Variants in GALNS observed in about 807,000 individuals in gnomAD.
GALNS encodes the protein galactosamine (N-acetyl)-6-sulfatase, also known as N-acetylgalactosamine-6-sulfatase.
A neutral mutation model predicts 65.9 loss-of-function variants in GALNS; 65 were observed. The ratio of observed to expected loss-of-function variants is 0.99; its 90% CI spans 0.81 to 1.21. GALNS has a LOEUF of 1.21. GALNS is among the 50% of genes most tolerant of loss of function. The probability of loss-of-function intolerance (pLI) is 0.00; values close to 1 mark genes in which losing one functional copy is unlikely to be tolerated. For missense variants in GALNS, 776 were observed against 700.7 expected, an observed-to-expected ratio of 1.11 and a Z score of -1.21; for synonymous variants, 346 against 288.9, an observed-to-expected ratio of 1.20 and a Z score of -2.00.
At chr16:88,820,241 G>C (rs866734377) in intron 12 of GALNS, among the ~76,000 whole-genome samples, 5 of 152,238 alleles carry the variant, frequency 3.3e-5, no homozygotes, top group African/African-American at 1.2e-4. Flanking sequence ...CAATTCTCCC[G>C]CCTCACCTTC....
At chr16:88,839,197 G>A (rs1041630329) in intron 4 of GALNS, among the ~76,000 whole-genome samples, 9 of 147,938 alleles carry the variant, frequency 6.1e-5, no homozygotes, top group Non-Finnish European at 1.1e-4. Flanking sequence ...ACACTCGTGC[G>A]CCCACGTCCA....
intron 1 of GALNS, chr16:88,855,018 C>G (rs1226786927): frequency 2.8e-6 from 1 of 355,004 alleles, no homozygotes; most frequent in South Asian, 2.2e-5. Context: ...CACCCCACCC[C>G]TCCACCCTGC....
chr16:88,848,881 G>A (rs1967378083), intron 1 of GALNS, among the ~76,000 whole-genome samples: 1 of 152,240 alleles, frequency 6.6e-6, no homozygotes, highest in African/African-American at 2.4e-5. Flanking sequence ...CCAGGTCTGC[G>A]TGGTCACACC....
chr16:88,815,560 G>C, intron 13 of GALNS: 1 of 985,476 alleles, frequency 1.0e-6, no homozygotes, highest in South Asian at 4.7e-5. Flanking sequence ...GGAGACTTAT[G>C]CCGCTAAGAG....
intron 4 of GALNS, chr16:88,837,986 C>T (rs531952510): frequency 1.1e-4 from 61 of 552,612 alleles, no homozygotes; most frequent in Middle Eastern, 9.3e-4. Flanking sequence ...TGGGCACAAC[C>T]GAGGGCGGCA....
At chr16:88,855,251 G>A (rs1597606335) in intron 1 of GALNS, 1 of 699,610 alleles carries the variant, frequency 1.4e-6, no homozygotes, top group South Asian at 1.5e-5. Context: ...AGAAAGTCAG[G>A]AAAAGCAGAA....
intron 9 of GALNS, among the ~76,000 whole-genome samples, chr16:88,829,984 AC>A (rs1338223917): frequency 3.9e-5 from 6 of 152,106 alleles, no homozygotes; most frequent in Admixed American, 2.0e-4. Flanking sequence ...TGTAATCCCA[AC>A]ACTTTCGGAG....
intron 1 of GALNS, chr16:88,856,480 C>A (rs1221883264): frequency 5.7e-6 from 4 of 699,878 alleles, no homozygotes; most frequent in Non-Finnish European, 1.0e-5. Context: ...CCCGGTCATG[C>A]AGCACAGTGG....
chr16:88,826,154 G>A (rs1355930215), intron 10 of GALNS, among the ~76,000 whole-genome samples: 1 of 149,560 alleles, frequency 6.7e-6, no homozygotes, highest in Non-Finnish European at 1.5e-5. Context: ...GCAGACAGGG[G>A]CAGCGTGTGC....
At chr16:88,846,509 CTT>C (rs59223444) in intron 1 of GALNS, among the ~76,000 whole-genome samples, 211 of 88,682 alleles carry the variant, frequency 2.4e-3, no homozygotes, top group African/African-American at 8.2e-3. Flanking sequence ...GCGTTTCTGG[CTT>C]TTTTTTTTTT....
chr16:88,831,033 G>C (rs991350696), intron 9 of GALNS, among the ~76,000 whole-genome samples: 1 of 152,218 alleles, frequency 6.6e-6, no homozygotes, highest in Admixed American at 6.5e-5. Context: ...ATTTAACTCA[G>C]GACTGCTGCG....
chr16:88,821,275 G>C (rs12934567), intron 12 of GALNS, among the ~76,000 whole-genome samples: 50,999 of 152,076 alleles, frequency 0.34, 9,294 homozygotes, highest in East Asian at 0.63. Flanking sequence ...CAGGTGAGCC[G>C]AGGCTGGTGG....
intron 1 of GALNS, chr16:88,855,626 G>A (rs749048296): frequency 3.1e-5 from 19 of 620,452 alleles, no homozygotes; most frequent in African/African-American, 7.4e-5. Context: ...ATCTTTTCAA[G>A]TATATCTTTA....
intron 4 of GALNS, 62 bp from the exon 5 acceptor site, chr16:88,837,827 C>G: frequency 3.2e-6 from 5 of 1,568,168 alleles, no homozygotes; most frequent in Non-Finnish European, 4.4e-6. Context: ...AAGTTCTGAG[C>G]AGCAACAGAT....
intron 5 of GALNS, 64 bp downstream of exon 5, chr16:88,837,558 G>C (rs1912267512): frequency 6.4e-7 from 1 of 1,558,924 alleles, no homozygotes; most frequent in African/African-American, 1.4e-5. Context: ...GCTAGAGGCG[G>C]GGGGCAGGCA....
intron 8 of GALNS, among the ~76,000 whole-genome samples, chr16:88,833,000 C>T (rs976620347): frequency 6.7e-6 from 1 of 149,500 alleles, no homozygotes; most frequent in Non-Finnish European, 1.5e-5. Flanking sequence ...ATTGCTGGAG[C>T]CCAGGAGGTC....
chr16:88,818,859 G>A (rs982871937), intron 12 of GALNS, among the ~76,000 whole-genome samples: 4 of 152,246 alleles, frequency 2.6e-5, no homozygotes, highest in African/African-American at 9.6e-5. Context: ...CTGCGAGTGT[G>A]GCTGAAGCTG....
intron 3 of GALNS, among the ~76,000 whole-genome samples, chr16:88,841,319 G>A (rs765735930): frequency 1.3e-5 from 2 of 152,152 alleles, no homozygotes; most frequent in Non-Finnish European, 2.9e-5. Context: ...TGGGGACGGG[G>A]CAGACTCCGT....
intron 11 of GALNS, among the ~76,000 whole-genome samples, chr16:88,823,414 A>G (rs762291404): frequency 2.0e-5 from 3 of 152,280 alleles, no homozygotes; most frequent in African/African-American, 7.2e-5. Context: ...GTATGCCTCT[A>G]ACATTCCCAG....
Sources: allele counts gnomAD v4.1 joint callset (sites outside exome capture counted in the v4.1 genomes callset), GRCh38; gene constraint gnomAD v4.1.1; transcripts MANE v1.5; gene names NCBI Gene and HGNC (gene_info 2026-07-23, HGNC 2026-07-21).